THSD7B: variants seen among roughly 807,000 people sequenced by gnomAD.
The protein encoded by THSD7B is thrombospondin type-1 domain-containing protein 7B.
Under a neutral mutation model 213.6 loss-of-function variants are expected in THSD7B, and 138 were observed. The observed-to-expected ratio is 0.65, with a 90% CI of 0.56 to 0.74. The LOEUF (loss-of-function observed/expected upper bound fraction) is 0.74, where lower values mean the gene tolerates loss of function less well. THSD7B is among the 30% of genes least tolerant of loss of function. The pLI is 0.00. For missense variants in THSD7B, 1,931 were observed against 1,991.5 expected (o/e 0.97, Z 0.58); for synonymous variants, 742 against 687.0 (o/e 1.08, Z -1.25).
chr2:137,129,689 C>T (rs1488092697), intron 5 of THSD7B, among the ~76,000 whole-genome samples: 3 of 152,158 alleles, frequency 2.0e-5, no homozygotes, highest in Admixed American at 2.0e-4. Flanking sequence ...GATCCTCCTG[C>T]CTCAACCTCC....
chr2:137,262,693 T>C (rs995086259), intron 10 of THSD7B, among the ~76,000 whole-genome samples: 7 of 152,186 alleles, frequency 4.6e-5, no homozygotes, highest in African/African-American at 1.7e-4. Context: ...TGGTTAAGCA[T>C]GCCATATGGT....
At chr2:136,975,043 TG>T (rs1399830166) in intron 2 of THSD7B, among the ~76,000 whole-genome samples, 98 of 113,062 alleles carry the variant, frequency 8.7e-4, no homozygotes, top group East Asian at 3.9e-3. Context: ...TTTAATGGTT[TG>T]TTTTTTTTTT....
intron 2 of THSD7B, among the ~76,000 whole-genome samples, chr2:137,019,632 C>A (rs1246478439): frequency 6.6e-6 from 1 of 152,188 alleles, no homozygotes; most frequent in Admixed American, 6.5e-5. Context: ...ATCTTGCAAA[C>A]CCACTGTAAA....
chr2:137,113,834 G>A (rs780062284), intron 4 of THSD7B, among the ~76,000 whole-genome samples: 2 of 151,712 alleles, frequency 1.3e-5, no homozygotes, highest in Non-Finnish European at 2.9e-5. Flanking sequence ...ATAAGCCTAG[G>A]GAAAAAAAAA....
chr2:136,903,974 T>TG (rs1573701122), intron 2 of THSD7B, among the ~76,000 whole-genome samples: 1,327 of 28,486 alleles, frequency 0.047, 39 homozygotes, highest in East Asian at 0.071. Context: ...GTGTGTGTGT[T>TG]TGTTTGTTTC....
At chr2:137,291,305 C>T (rs1683332460) in intron 12 of THSD7B, among the ~76,000 whole-genome samples, 3 of 152,228 alleles carry the variant, frequency 2.0e-5, no homozygotes, top group South Asian at 4.2e-4. Flanking sequence ...TCCCTTCTTA[C>T]TTATACTTTA....
intron 21 of THSD7B, among the ~76,000 whole-genome samples, chr2:137,645,828 C>T (rs1013944867): frequency 6.6e-6 from 1 of 152,114 alleles, no homozygotes; most frequent in Non-Finnish European, 1.5e-5. Flanking sequence ...AAACATACAC[C>T]TAGACAATTC....
intron 12 of THSD7B, among the ~76,000 whole-genome samples, chr2:137,299,598 A>G (rs1683550875): frequency 6.6e-6 from 1 of 152,160 alleles, no homozygotes; most frequent in Admixed American, 6.5e-5. Flanking sequence ...GCTACAAAAT[A>G]ACAACATGTT....
At chr2:137,199,029 A>T (rs932252648) in intron 7 of THSD7B, among the ~76,000 whole-genome samples, 15 of 152,288 alleles carry the variant, frequency 9.8e-5, no homozygotes, top group Non-Finnish European at 1.9e-4. Flanking sequence ...TGCCATAACC[A>T]TAAGGGGCAG....
chr2:136,772,221 G>A (rs535491668), intron 1 of THSD7B, among the ~76,000 whole-genome samples: 1 of 152,104 alleles, frequency 6.6e-6, no homozygotes, highest in East Asian at 1.9e-4. Flanking sequence ...AGTCTTTACC[G>A]CTGCTGGAAT....
rs1400781914 is a variant in THSD7B, at chr2:137,481,023, A to G, written c.3138+30000A>G. 2.0e-5 allele frequency among the ~76,000 whole-genome samples: 3 copies of G among 152,170 alleles called. No homozygotes were observed. In the South Asian group the frequency reaches 6.2e-4, roughly 32 times the overall value. On this transcript the variant is annotated intron_variant, in intron 15 of 27. Coordinates refer to ENST00000409968, the MANE Select transcript of THSD7B (RefSeq NM_001316349.2). ...AGTTCACCCTTTTGTCTTTTCTGCC[A>G]TGTGAGGATACAGCATTTGTCCCCT...
intron 2 of THSD7B, among the ~76,000 whole-genome samples, chr2:136,933,889 T>A (rs1684674951): frequency 6.6e-6 from 1 of 152,188 alleles, no homozygotes. Context: ...AAGAAATAAG[T>A]GTAAAACCAC....
intron 26 of THSD7B, among the ~76,000 whole-genome samples, chr2:137,664,723 A>G (rs1476120737): frequency 2.0e-5 from 3 of 152,182 alleles, no homozygotes; most frequent in African/African-American, 7.2e-5. Context: ...TTAAAGGCAG[A>G]TCTTTTAGGC....
rs144677214 is a variant in THSD7B at position 137,431,570 on chromosome 2, T to C, written c.2960-19275T>C. Among the ~76,000 whole-genome samples, 85 of 152,320 alleles carry C rather than the reference T, an allele frequency of 5.6e-4. No individual in the cohort carries two copies. The East Asian group carries it at 0.016, about 29-fold the overall frequency. ...GAGAAACATGTTTTGGAATAAAATATTTTGATTTTCTTCCTTGACTTGTAA... is the reference window on the plus strand; with the variant it reads ...GAGAAACATGTTTTGGAATAAAATACTTTGATTTTCTTCCTTGACTTGTAA... On this transcript the variant is annotated intron_variant, in intron 14 of 27. Transcript: ENST00000409968.
intron 12 of THSD7B, among the ~76,000 whole-genome samples, chr2:137,345,746 T>C (rs146996361): frequency 2.4e-4 from 36 of 151,728 alleles, no homozygotes; most frequent in African/African-American, 8.4e-4. Context: ...GGTATGTAGA[T>C]TCCATGAACT....
Position 137,272,273 on chromosome 2 carries a change from T to TA in THSD7B, c.2267-258dup, listed in dbSNP as rs1417389680. 2.0e-5 allele frequency among the ~76,000 whole-genome samples: 3 copies of TA among 152,214 alleles called. No individual in the cohort carries two copies. The East Asian group carries it at 5.8e-4, about 29-fold the overall frequency. On this transcript the variant is annotated intron_variant, in intron 10 of 27. Coordinates refer to ENST00000409968, the MANE Select transcript of THSD7B (RefSeq NM_001316349.2). ...TGCCATAAAACTTTTATGCCATTGG[T>TA]AAGGTAGATTCTAATTAAACATATT...
At chr2:137,197,975 G>GTGT (rs1244707574) in intron 7 of THSD7B, among the ~76,000 whole-genome samples, 2 of 152,168 alleles carry the variant, frequency 1.3e-5, no homozygotes, top group Non-Finnish European at 2.9e-5. Flanking sequence ...TGCACAGTAT[G>GTGT]TGTTGTGGGG....
chr2:137,442,672 A>G (rs986618756), intron 14 of THSD7B, among the ~76,000 whole-genome samples: 2 of 152,128 alleles, frequency 1.3e-5, no homozygotes, highest in Non-Finnish European at 2.9e-5. Flanking sequence ...TTCTGCTCAC[A>G]TTTTATTGGC....
At chr2:136,863,012 T>G (rs1015585599) in intron 1 of THSD7B, among the ~76,000 whole-genome samples, 1 of 152,208 alleles carries the variant, frequency 6.6e-6, no homozygotes, top group Non-Finnish European at 1.5e-5. Context: ...CTCAGCACTT[T>G]AGTTCACAAT....
Sources: gnomAD v4.1 joint callset for allele counts (sites outside exome capture counted in the v4.1 genomes callset) on GRCh38, gnomAD v4.1.1 for gene constraint, MANE v1.5 for transcripts, NCBI Gene and HGNC (gene_info 2026-07-23, HGNC 2026-07-21) for gene names.